Variants in THSD4 observed in about 807,000 individuals in gnomAD.
THSD4 encodes thrombospondin type-1 domain-containing protein 4.
In THSD4, 69 loss-of-function variants were observed where a neutral mutation model predicts 119.0. The observed-to-expected ratio is 0.58, with a 90% CI of 0.48 to 0.71. The LOEUF (loss-of-function observed/expected upper bound fraction) is 0.71. Ranked by LOEUF, THSD4 falls within the 30% of genes least tolerant of loss-of-function variation. THSD4 has a pLI of 0.00. For synonymous variants in THSD4, 524 were observed against 540.4 expected, an observed-to-expected ratio of 0.97 and a Z score of 0.42; for missense variants, 1,393 against 1,391.1, an observed-to-expected ratio of 1.00 and a Z score of -0.02.
intron 2 of THSD4, among the ~76,000 whole-genome samples, chr15:71,149,949 T>C (rs2141378862): frequency 6.6e-6 from 1 of 152,276 alleles, no homozygotes; most frequent in South Asian, 2.1e-4. Flanking sequence ...AATGAAATGA[T>C]GGAGTGTTTA....
intron 4 of THSD4, among the ~76,000 whole-genome samples, chr15:71,224,889 A>G (rs976507613): frequency 2.0e-5 from 3 of 152,098 alleles, no homozygotes; most frequent in Non-Finnish European, 4.4e-5. Flanking sequence ...CCATGTCAAA[A>G]TCCTTAATTT....
chr15:71,145,356 T>A lies in THSD4; in HGVS notation c.29+3800T>A, dbSNP rs189437684. Among the ~76,000 whole-genome samples the A allele has an allele frequency of 2.3e-3, 351 of 152,304 alleles. 1 individual carries two copies. The highest frequency in any genetic ancestry group is 4.4e-3 in the Non-Finnish European group (297 of 68,016). On this transcript the variant is annotated intron_variant, in intron 2 of 17. Transcript: ENST00000261862. ...AGAATTACAGATGTAATGAGAGTGA[T>A]TACAGAGTTAGAAGGTGATTTTTAT...
rs1272538937 is a variant in THSD4 at position 71,420,413 on chromosome 15, T to A, written c.1152+8590T>A. Among the ~76,000 whole-genome samples the A allele has an allele frequency of 1.9e-5, 2 of 107,280 alleles. 1 individual carries two copies. Among genetic ancestry groups the A allele is most frequent in the Non-Finnish European group, 4.1e-5 (2 of 48,998 alleles). The allele number at this position is 107,280 out of a possible 152,430, so 70.4% of individuals were successfully genotyped here. ...GAAACAGATGTATGGGTCTTTTTTT[T>A]TTAATCCATTCAGCCACTCTATGTC... On this transcript the variant is annotated intron_variant, in intron 7 of 17. Coordinates refer to ENST00000261862, the MANE Select transcript of THSD4 (RefSeq NM_024817.3).
chr15:71,130,388 T>C (rs532863680), intron 1 of THSD4, among the ~76,000 whole-genome samples: 112 of 152,296 alleles, frequency 7.4e-4, no homozygotes, highest in Non-Finnish European at 1.3e-3. Context: ...AGTTTCGCCA[T>C]GTTGTCCAGG....
At chr15:71,508,743 A>C (rs2048233252) in intron 7 of THSD4, among the ~76,000 whole-genome samples, 1 of 152,172 alleles carries the variant, frequency 6.6e-6, no homozygotes, top group Admixed American at 6.5e-5. Context: ...GTGTATTTTT[A>C]GGTATTATAA....
intron 3 of THSD4, among the ~76,000 whole-genome samples, chr15:71,212,372 T>C (rs2043894458): frequency 6.6e-6 from 1 of 152,230 alleles, no homozygotes; most frequent in Admixed American, 6.5e-5. Context: ...TCATGTTTTC[T>C]TCCCCCAGGG....
At chr15:71,448,629 A>G (rs181412965) in intron 7 of THSD4, among the ~76,000 whole-genome samples, 32 of 152,322 alleles carry the variant, frequency 2.1e-4, no homozygotes, top group Non-Finnish European at 2.9e-5. Context: ...CAGACATGCA[A>G]CGTGAAGCAA....
chr15:71,364,518 C>T (rs533016050), intron 6 of THSD4, among the ~76,000 whole-genome samples: 1 of 152,324 alleles, frequency 6.6e-6, no homozygotes, highest in Non-Finnish European at 1.5e-5. Context: ...ATACCTCCCT[C>T]ACAGAGTAAC....
At chr15:71,520,152 A>G (rs61706626) in intron 7 of THSD4, among the ~76,000 whole-genome samples, 24,726 of 152,172 alleles carry the variant, frequency 0.16, 2,165 homozygotes, top group East Asian at 0.24. Flanking sequence ...TGTAGCAAGT[A>G]AGCAATATGG....
chr15:71,210,498 T>G (rs891047879), intron 3 of THSD4, among the ~76,000 whole-genome samples: 3 of 152,188 alleles, frequency 2.0e-5, no homozygotes, highest in African/African-American at 7.2e-5. Flanking sequence ...CACACTGCAT[T>G]CTGCCTTATT....
At chr15:71,479,024 C>G (rs1052789261) in intron 7 of THSD4, among the ~76,000 whole-genome samples, 1 of 151,798 alleles carries the variant, frequency 6.6e-6, no homozygotes, top group African/African-American at 2.4e-5. Context: ...TGTGGGCCCC[C>G]AGTAGTGCAG....
chr15:71,660,507 T>G (rs554160574), intron 7 of THSD4, 23 bp from the exon 8 acceptor site: 2 of 1,613,876 alleles, frequency 1.2e-6, no homozygotes, highest in Admixed American at 1.7e-5. Context: ...ACTATGAGTC[T>G]TTTGTTTTCT....
intron 6 of THSD4, among the ~76,000 whole-genome samples, chr15:71,293,276 G>A (rs2044818646): frequency 6.6e-6 from 1 of 152,174 alleles, no homozygotes; most frequent in Admixed American, 6.5e-5. Flanking sequence ...CTGTCATTAT[G>A]TAGATGGTTT....
rs2043283673 is a variant in THSD4 at position 71,165,135 on chromosome 15, G to A, written c.99+10203G>A. 3 of 1,607,708 alleles carry A rather than the reference G, an allele frequency of 1.9e-6. No homozygotes were observed. In the African/African-American group the frequency reaches 4.0e-5, roughly 22 times the overall value. On this transcript the variant is annotated intron_variant, in intron 3 of 17. Coordinates refer to ENST00000261862, the MANE Select transcript of THSD4 (RefSeq NM_024817.3). Reference sequence around the variant, plus strand: ...AAGAAGGCCGAAGGAGGCCTCTTGGGTGCATTGGGATCCTTGAACTTCTTT... The same window carrying A: ...AAGAAGGCCGAAGGAGGCCTCTTGGATGCATTGGGATCCTTGAACTTCTTT...
intron 6 of THSD4, among the ~76,000 whole-genome samples, chr15:71,332,892 A>ATTTTTTTTTATTTTTTTTTTTTTTTTTT (rs768019235): frequency 1.3e-5 from 1 of 76,940 alleles, no homozygotes; most frequent in African/African-American, 4.0e-5. Context: ...ATTTTTTTAC[A>ATTTTTTTTTATTTTTTTTTTTTTTTTTT]TTTTTTTTTT....
intron 6 of THSD4, among the ~76,000 whole-genome samples, chr15:71,263,787 G>A (rs1025714680): frequency 6.6e-6 from 1 of 152,328 alleles, no homozygotes; most frequent in Admixed American, 6.5e-5. Context: ...AACTTCCAAG[G>A]GGGAAGGGAG....
At chr15:71,302,692 T>A (rs2044968849) in intron 6 of THSD4, among the ~76,000 whole-genome samples, 1 of 152,034 alleles carries the variant, frequency 6.6e-6, no homozygotes, top group Non-Finnish European at 1.5e-5. Context: ...GTGCTTCTCT[T>A]CCTGGGGCCA....
chr15:71,331,016 G>A (rs187564619), intron 6 of THSD4, among the ~76,000 whole-genome samples: 15 of 152,302 alleles, frequency 9.8e-5, no homozygotes, highest in Admixed American at 8.5e-4. Flanking sequence ...TGTGGCTCCC[G>A]GGTGTAGACA....
At chr15:71,108,965 C>T (rs1388718943) in intron 1 of THSD4, among the ~76,000 whole-genome samples, 2 of 152,138 alleles carry the variant, frequency 1.3e-5, no homozygotes, top group African/African-American at 4.8e-5. Flanking sequence ...GCACTCCAGC[C>T]TGGGCAACAG....
Sources: gnomAD v4.1 joint callset for allele counts (sites outside exome capture counted in the v4.1 genomes callset) on GRCh38, gnomAD v4.1.1 for gene constraint, MANE v1.5 for transcripts, NCBI Gene and HGNC (gene_info 2026-07-23, HGNC 2026-07-21) for gene names.